The following AKAP9 variants were observed in gnomAD, a reference collection of about 807,000 sequenced individuals.
The protein encoded by AKAP9 is A-kinase anchor protein 9.
AKAP9 carries 311 observed loss-of-function variants against 488.5 expected under a neutral mutation model. The observed-to-expected ratio is 0.64, with a 90% CI of 0.58 to 0.70. The LOEUF (loss-of-function observed/expected upper bound fraction) is 0.70. Among genes scored for constraint, AKAP9 ranks in the 30% least tolerant of loss-of-function variants. The pLI, the probability that AKAP9 is intolerant of heterozygous loss-of-function variation, is 0.00. For synonymous variants in AKAP9, 1,462 were observed against 1,483.5 expected (o/e 0.99, Z 0.33); for missense variants, 4,215 against 4,374.5 (o/e 0.96, Z 1.03).
rs1815155123 is a variant in AKAP9, at chr7:92,089,430, A to G, written c.9259A>G (p.Arg3087Gly). The G allele has an allele frequency of 6.2e-7, 1 of 1,612,262 alleles. No individual in the cohort carries two copies. The highest frequency in any genetic ancestry group is 1.3e-5 in the African/African-American group (1 of 74,874). ...AAMECLQKAD[R>G]RSLLSEIQAL... ...TATGGAATGCCTCCAGAAAGCAGAT[A>G]GAAGGAGTTTGTTATCTGAAATTCA... The change falls in exon 38 of 50, where the codon AGA becomes GGA. Residue 3087 changes from arginine to glycine, a missense_variant. Arg to Gly is a moderately radical substitution (Grantham distance 125). This residue lies in a region of AKAP9 where 1,476 missense variants were observed against 1,477.4 expected (regional missense o/e 1.00). Coordinates refer to ENST00000356239, the MANE Select transcript of AKAP9 (RefSeq NM_005751.5).
At chr7:92,058,171 G>A in intron 22 of AKAP9, 1 of 588,078 alleles carries the variant, frequency 1.7e-6, no homozygotes, top group South Asian at 1.4e-5. Context: ...CTTCTGGGAT[G>A]GATTCTTATA....
At chr7:91,984,787 T>A (rs1796858320) in intron 3 of AKAP9, among the ~76,000 whole-genome samples, 1 of 152,208 alleles carries the variant, frequency 6.6e-6, no homozygotes, top group Admixed American at 6.5e-5. Context: ...TCCATTTGTT[T>A]GTGTCCTTTT....
intron 38 of AKAP9, among the ~76,000 whole-genome samples, chr7:92,091,042 C>T (rs1563127634): frequency 6.6e-6 from 1 of 152,148 alleles, no homozygotes; most frequent in Non-Finnish European, 1.5e-5. Context: ...AGTCCTTTTT[C>T]ATATGGTAAT....
chr7:91,993,303 C>T (rs1011926395), intron 5 of AKAP9, among the ~76,000 whole-genome samples: 1 of 151,900 alleles, frequency 6.6e-6, no homozygotes, highest in African/African-American at 2.4e-5. Context: ...ATCCTCCCAC[C>T]TCAGCCTTGT....
chr7:92,038,184 G>T (rs1301309190), intron 16 of AKAP9, among the ~76,000 whole-genome samples: 1 of 152,042 alleles, frequency 6.6e-6, no homozygotes, highest in Non-Finnish European at 1.5e-5. Context: ...GTTATAATAA[G>T]AAAACATTTT....
intron 18 of AKAP9, chr7:92,041,458 A>T (rs1288749563): frequency 6.5e-6 from 1 of 153,912 alleles, no homozygotes; most frequent in African/African-American, 2.4e-5. Flanking sequence ...GATTTGAGAA[A>T]TGCAAATTTA....
At chr7:92,072,747 A>G (rs1469525006) in intron 28 of AKAP9, among the ~76,000 whole-genome samples, 4 of 152,212 alleles carry the variant, frequency 2.6e-5, no homozygotes, top group African/African-American at 9.7e-5. Context: ...AGCTCTCTGT[A>G]GAGCTAATGA....
At chr7:92,025,021 A>G (rs1773782888) in intron 14 of AKAP9, among the ~76,000 whole-genome samples, 1 of 152,212 alleles carries the variant, frequency 6.6e-6, no homozygotes, top group African/African-American at 2.4e-5. Context: ...ATGAAAGATC[A>G]CTGAATTATA....
chr7:92,000,016 C>G (rs900364653), intron 7 of AKAP9, among the ~76,000 whole-genome samples: 1 of 152,218 alleles, frequency 6.6e-6, no homozygotes, highest in African/African-American at 2.4e-5. Flanking sequence ...CTATTACTTA[C>G]AGAGGCAAGT....
intron 1 of AKAP9, among the ~76,000 whole-genome samples, chr7:91,960,431 G>C (rs1793591524): frequency 6.6e-6 from 1 of 152,188 alleles, no homozygotes; most frequent in African/African-American, 2.4e-5. Context: ...GTTGGATTTT[G>C]AGTCAGATAT....
intron 39 of AKAP9, among the ~76,000 whole-genome samples, chr7:92,093,703 C>T (rs1332887085): frequency 6.6e-6 from 1 of 152,088 alleles, no homozygotes; most frequent in East Asian, 1.9e-4. Flanking sequence ...GGTATAAATA[C>T]TGAGATATTC....
At chr7:92,075,179 G>C (rs186599250) in intron 28 of AKAP9, among the ~76,000 whole-genome samples, 1 of 152,016 alleles carries the variant, frequency 6.6e-6, no homozygotes, top group East Asian at 1.9e-4. Context: ...TACTGCTCTC[G>C]AGACCACACT....
At chr7:92,017,547 T>C (rs578015287) in intron 12 of AKAP9, among the ~76,000 whole-genome samples, 1 of 152,266 alleles carries the variant, frequency 6.6e-6, no homozygotes, top group South Asian at 2.1e-4. Flanking sequence ...ATAGTATACA[T>C]GGCACAGTGT....
At chr7:92,100,112 A>G (rs1174588028) in intron 44 of AKAP9, 1 of 421,778 alleles carries the variant, frequency 2.4e-6, no homozygotes, top group Non-Finnish European at 4.4e-6. Context: ...TCTCTAATCC[A>G]CATCCACCTT....
chr7:92,108,927 A>G (rs1030459993), intron 49 of AKAP9: 12 of 476,526 alleles, frequency 2.5e-5, no homozygotes, highest in African/African-American at 2.3e-4. Context: ...ACCAGTGTGC[A>G]AGGTACTCTG....
intron 28 of AKAP9, among the ~76,000 whole-genome samples, chr7:92,072,750 G>A (rs1424240472): frequency 1.3e-5 from 2 of 152,162 alleles, no homozygotes; most frequent in Non-Finnish European, 2.9e-5. Flanking sequence ...TCTCTGTAGA[G>A]CTAATGAGAT....
chr7:92,036,532 G>A (rs1805230483), intron 16 of AKAP9, among the ~76,000 whole-genome samples: 1 of 152,012 alleles, frequency 6.6e-6, no homozygotes, highest in Non-Finnish European at 1.5e-5. Flanking sequence ...GGTATCTTCT[G>A]TAAATATTCT....
At chr7:92,003,257 T>C (rs1263577274) in intron 8 of AKAP9, 22 bp downstream of exon 8, 2 of 1,521,808 alleles carry the variant, frequency 1.3e-6, no homozygotes, top group South Asian at 1.1e-5. Context: ...TCTTCATATA[T>C]GGTAAAGCAC....
At chr7:92,012,842 G>A (rs898299193) in intron 9 of AKAP9, among the ~76,000 whole-genome samples, 200 bp downstream of exon 9, 3 of 152,026 alleles carry the variant, frequency 2.0e-5, no homozygotes, top group Admixed American at 6.6e-5. Flanking sequence ...AATCCATTGC[G>A]AAAGCATATA....
Sources: gnomAD v4.1 joint callset for allele counts (sites outside exome capture counted in the v4.1 genomes callset) on GRCh38, gnomAD v4.1.1 for gene constraint, gnomAD v4.1.1 regional missense constraint, MANE v1.5 for transcripts, NCBI Gene and HGNC (gene_info 2026-07-23, HGNC 2026-07-21) for gene names.